Variants in FAM13B observed in about 807,000 individuals in gnomAD.
The protein encoded by FAM13B is protein FAM13B.
FAM13B carries 60 observed loss-of-function variants against 117.3 expected under a neutral mutation model. That is an observed-to-expected ratio of 0.51 (90% CI 0.42 to 0.63). The LOEUF (loss-of-function observed/expected upper bound fraction) is 0.63, where lower values mean the gene tolerates loss of function less well. FAM13B is among the 30% of genes least tolerant of loss of function. FAM13B has a pLI of 0.00. For missense variants in FAM13B, 972 were observed against 1,091.9 expected (o/e 0.89, Z 1.55); for synonymous variants, 332 against 356.1 (o/e 0.93, Z 0.76).
At chr5:138,011,182 T>C in intron 5 of FAM13B, 33 bp from the exon 6 acceptor site, 1 of 1,575,530 alleles carries the variant, frequency 6.3e-7, no homozygotes, top group East Asian at 2.3e-5. Flanking sequence ...AATTGAGAGT[T>C]CTTAAATCAA....
At chr5:137,994,650 T>C (rs139511781) in intron 7 of FAM13B, among the ~76,000 whole-genome samples, 3 of 152,318 alleles carry the variant, frequency 2.0e-5, no homozygotes, top group African/African-American at 4.8e-5. Flanking sequence ...AAAATGCTAA[T>C]TGTATTCATT....
At chr5:137,946,141 A>G in intron 19 of FAM13B, 87 bp downstream of exon 19, 1 of 1,317,954 alleles carries the variant, frequency 7.6e-7, no homozygotes, top group South Asian at 1.3e-5. Flanking sequence ...TGCTCAAAAA[A>G]CAGCCCTGAA....
intron 10 of FAM13B, among the ~76,000 whole-genome samples, chr5:137,975,915 G>T (rs1208911352): frequency 1.3e-5 from 2 of 149,484 alleles, no homozygotes; most frequent in African/African-American, 2.5e-5. Context: ...CAAGAAAGCA[G>T]AAATGGGGGA....
At chr5:137,982,769 T>A (rs1032430484) in intron 10 of FAM13B, among the ~76,000 whole-genome samples, 1 of 152,234 alleles carries the variant, frequency 6.6e-6, no homozygotes, top group African/African-American at 2.4e-5. Flanking sequence ...GGGTCTTGAT[T>A]TCTGAAGGTG....
At chr5:137,940,601 G>A in intron 23 of FAM13B, 1 of 348,150 alleles carries the variant, frequency 2.9e-6, no homozygotes, top group Non-Finnish European at 5.2e-6. Context: ...ATAACTGGAG[G>A]AAACCCAGTA....
At chr5:137,992,938 AAATTG>A (rs1778981911) in intron 7 of FAM13B, among the ~76,000 whole-genome samples, 2 of 152,208 alleles carry the variant, frequency 1.3e-5, no homozygotes, top group Non-Finnish European at 2.9e-5. Context: ...CAAAGTAAAA[AAATTG>A]AATTGTCCAC....
intron 15 of FAM13B, 78 bp from the exon 16 acceptor site, chr5:137,953,543 T>G: frequency 7.1e-7 from 1 of 1,413,002 alleles, no homozygotes; most frequent in Non-Finnish European, 9.8e-7. Context: ...GACATGGCAC[T>G]ATTAGCAATA....
At chr5:138,048,966 C>T (rs1342617543) in intron 1 of FAM13B, among the ~76,000 whole-genome samples, 5 of 116,200 alleles carry the variant, frequency 4.3e-5, no homozygotes, top group East Asian at 5.2e-4. Flanking sequence ...TTTTTTAAGG[C>T]GAAGTCACTC....
intron 7 of FAM13B, among the ~76,000 whole-genome samples, chr5:137,995,713 A>T (rs184642127): frequency 1.0e-3 from 158 of 152,334 alleles, no homozygotes; most frequent in Non-Finnish European, 1.9e-3. Context: ...ATATCAAAAG[A>T]TTTCTCACTG....
At chr5:137,965,086 A>C (rs1372519724) in intron 10 of FAM13B, among the ~76,000 whole-genome samples, 1 of 152,048 alleles carries the variant, frequency 6.6e-6, no homozygotes, top group East Asian at 1.9e-4. Context: ...AATCACTTGA[A>C]CCCAGTGGGG....
chr5:137,971,298 T>G (rs1206258374), intron 10 of FAM13B, among the ~76,000 whole-genome samples: 2 of 152,032 alleles, frequency 1.3e-5, no homozygotes, highest in Non-Finnish European at 2.9e-5. Flanking sequence ...GAACTCAGGA[T>G]TAAGAATCTC....
intron 10 of FAM13B, among the ~76,000 whole-genome samples, chr5:137,965,770 T>C (rs1176821114): frequency 1.3e-5 from 2 of 152,142 alleles, no homozygotes; most frequent in Non-Finnish European, 2.9e-5. Context: ...TCTACTAGAG[T>C]TTATAAATAC....
chr5:138,003,660 A>AT (rs1373500458), intron 7 of FAM13B, among the ~76,000 whole-genome samples: 1 of 152,084 alleles, frequency 6.6e-6, no homozygotes, highest in Non-Finnish European at 1.5e-5. Context: ...AGACACATAA[A>AT]TCACAATGAC....
chr5:137,988,359 TAA>T, intron 7 of FAM13B, 44 bp from the exon 8 acceptor site: 1 of 1,484,704 alleles, frequency 6.7e-7, no homozygotes, highest in Non-Finnish European at 9.1e-7. Flanking sequence ...GTTCAATACT[TAA>T]TAACTACAAA....
At chr5:137,992,685 C>G (rs1443652743) in intron 7 of FAM13B, among the ~76,000 whole-genome samples, 1 of 152,120 alleles carries the variant, frequency 6.6e-6, no homozygotes, top group African/African-American at 2.4e-5. Flanking sequence ...AGGGGGAGGG[C>G]TCTTATTAAA....
At chr5:137,981,016 ATC>A (rs1377388666) in intron 10 of FAM13B, among the ~76,000 whole-genome samples, 1 of 146,544 alleles carries the variant, frequency 6.8e-6, no homozygotes, top group African/African-American at 2.5e-5. Flanking sequence ...GGCTCAGGTG[ATC>A]TTCCCACCTC....
intron 7 of FAM13B, among the ~76,000 whole-genome samples, chr5:137,999,027 C>T (rs1458958658): frequency 6.6e-6 from 1 of 152,208 alleles, no homozygotes; most frequent in Non-Finnish European, 1.5e-5. Flanking sequence ...ATTGGTGGCC[C>T]CTCCTTTGCA....
chr5:138,000,030 C>T (rs755293754), intron 7 of FAM13B, among the ~76,000 whole-genome samples: 8 of 152,054 alleles, frequency 5.3e-5, no homozygotes, highest in Admixed American at 3.9e-4. Context: ...TAAAACATTG[C>T]TACTAAAAAA....
intron 10 of FAM13B, among the ~76,000 whole-genome samples, chr5:137,977,483 C>T (rs918521311): frequency 1.3e-4 from 20 of 152,166 alleles, no homozygotes; most frequent in Non-Finnish European, 2.1e-4. Context: ...ACAGAACCTA[C>T]GAACATGTGA....
Sources: allele counts gnomAD v4.1 joint callset (sites outside exome capture counted in the v4.1 genomes callset), GRCh38; gene constraint gnomAD v4.1.1; transcripts MANE v1.5; gene names NCBI Gene and HGNC (gene_info 2026-07-23, HGNC 2026-07-21).